NRG1: variants seen among roughly 807,000 people sequenced by gnomAD.
NRG1 encodes neuregulin 1.
Under a neutral mutation model 63.8 loss-of-function variants are expected in NRG1, and 18 were observed. The ratio of observed to expected loss-of-function variants is 0.28; its 90% CI spans 0.19 to 0.42. The LOEUF (loss-of-function observed/expected upper bound fraction) is 0.42, where lower values mean the gene tolerates loss of function less well. NRG1 is among the 10% of genes least tolerant of loss of function. NRG1 has a pLI of 1.00. For synonymous variants in NRG1, 302 were observed against 301.3 expected (o/e 1.00, Z -0.02); for missense variants, 762 against 814.7 (o/e 0.94, Z 0.79).
chr8:32,184,681 T>C (rs945903468), intron 1 of NRG1, among the ~76,000 whole-genome samples: 1 of 152,174 alleles, frequency 6.6e-6, no homozygotes, highest in African/African-American at 2.4e-5. Flanking sequence ...AGAAATATAC[T>C]TGTTTTATGC....
At chr8:32,711,427 A>T (rs1817782949) in intron 5 of NRG1, among the ~76,000 whole-genome samples, 1 of 152,192 alleles carries the variant, frequency 6.6e-6, no homozygotes, top group Non-Finnish European at 1.5e-5. Flanking sequence ...TCTCCAAAAA[A>T]AGGGAACCAG....
intron 1 of NRG1, among the ~76,000 whole-genome samples, chr8:32,456,785 C>T (rs1019615796): frequency 6.6e-6 from 1 of 152,142 alleles, no homozygotes; most frequent in Non-Finnish European, 1.5e-5. Flanking sequence ...CCCCCAGCAT[C>T]CATGTTGTTC....
intron 1 of NRG1, among the ~76,000 whole-genome samples, chr8:31,937,456 G>T (rs970972950): frequency 6.6e-6 from 1 of 152,112 alleles, no homozygotes; most frequent in Non-Finnish European, 1.5e-5. Flanking sequence ...AGAGGTAAAG[G>T]TAAGAAACAC....
intron 1 of NRG1, among the ~76,000 whole-genome samples, chr8:32,313,479 T>A (rs1182889046): frequency 6.6e-6 from 1 of 152,012 alleles, no homozygotes; most frequent in Non-Finnish European, 1.5e-5. Flanking sequence ...TTGAAAAAAA[T>A]TATCTCAAAT....
At chr8:32,463,897 T>G (rs1822681545) in intron 1 of NRG1, among the ~76,000 whole-genome samples, 2 of 96,558 alleles carry the variant, frequency 2.1e-5, no homozygotes, top group African/African-American at 4.5e-5. Context: ...TTTTTTTTTT[T>G]TTTTTTTTTT....
chr8:31,973,364 T>C (rs746374328), intron 1 of NRG1, among the ~76,000 whole-genome samples: 3 of 152,218 alleles, frequency 2.0e-5, no homozygotes, highest in African/African-American at 7.2e-5. Flanking sequence ...TTAGATCTAA[T>C]TATTAACTTG....
intron 1 of NRG1, among the ~76,000 whole-genome samples, chr8:32,024,708 T>C (rs983476782): frequency 2.6e-5 from 4 of 152,266 alleles, no homozygotes; most frequent in African/African-American, 7.2e-5. Flanking sequence ...AAAATCTGAA[T>C]GGAAAGCCAG....
At chr8:31,806,649 G>A (rs7836838) in intron 1 of NRG1, among the ~76,000 whole-genome samples, 113,910 of 152,084 alleles carry the variant, frequency 0.75, 43,142 homozygotes, top group East Asian at 0.99. Context: ...TGGGGAAAAG[G>A]AATCCTTTTC....
chr8:32,301,903 A>G (rs917969100), intron 1 of NRG1, among the ~76,000 whole-genome samples: 8 of 152,120 alleles, frequency 5.3e-5, no homozygotes, highest in African/African-American at 1.9e-4. Flanking sequence ...CAAAATATCA[A>G]AACAGAGGGG....
At chr8:31,704,826 C>T (rs1220208754) in intron 1 of NRG1, among the ~76,000 whole-genome samples, 6 of 105,254 alleles carry the variant, frequency 5.7e-5, no homozygotes, top group Admixed American at 3.1e-4. Flanking sequence ...AGTGAGACTC[C>T]GTCTAAAAAA....
intron 1 of NRG1, among the ~76,000 whole-genome samples, chr8:32,173,586 C>T (rs1395778908): frequency 1.1e-4 from 16 of 152,064 alleles, no homozygotes; most frequent in Admixed American, 1.0e-3. Flanking sequence ...GTGCTGTATT[C>T]AGGAAACCCA....
At chr8:32,387,831 C>T (rs1811209815) in intron 1 of NRG1, among the ~76,000 whole-genome samples, 1 of 152,090 alleles carries the variant, frequency 6.6e-6, no homozygotes, top group African/African-American at 2.4e-5. Flanking sequence ...TCTGTGTACA[C>T]TGAGATAAAA....
chr8:31,884,174 G>A (rs77156621), intron 1 of NRG1, among the ~76,000 whole-genome samples: 1,800 of 152,090 alleles, frequency 0.012, 41 homozygotes, highest in African/African-American at 0.041. Flanking sequence ...ATGCTTTTTG[G>A]CAAATTTCAA....
intron 1 of NRG1, among the ~76,000 whole-genome samples, chr8:31,979,577 G>T (rs1808748019): frequency 1.3e-5 from 2 of 151,904 alleles, no homozygotes; most frequent in Non-Finnish European, 2.9e-5. Flanking sequence ...TTAGGCAGTG[G>T]TTTCTTTGAT....
intron 1 of NRG1, among the ~76,000 whole-genome samples, chr8:31,973,461 G>C (rs1563635910): frequency 6.6e-6 from 1 of 152,184 alleles, no homozygotes; most frequent in Non-Finnish European, 1.5e-5. Flanking sequence ...TCAGAATTGA[G>C]AAGGGAGTAG....
At chr8:31,852,841 T>C (rs1301412613) in intron 1 of NRG1, among the ~76,000 whole-genome samples, 1 of 152,204 alleles carries the variant, frequency 6.6e-6, no homozygotes, top group African/African-American at 2.4e-5. Context: ...TAGCCAGTTT[T>C]CCCAGCACCA....
chr8:32,571,601 G>GTTTT (rs1040114296), intron 1 of NRG1, among the ~76,000 whole-genome samples: 7 of 151,680 alleles, frequency 4.6e-5, no homozygotes, highest in African/African-American at 1.7e-4. Flanking sequence ...GTTTTGTTTT[G>GTTTT]TTTTTTTCAA....
At chr8:32,643,676 A>C (rs1276384102) in intron 5 of NRG1, among the ~76,000 whole-genome samples, 10 of 152,194 alleles carry the variant, frequency 6.6e-5, no homozygotes, top group Non-Finnish European at 1.3e-4. Context: ...CATAACTGAA[A>C]TCGCTTCCCA....
At chr8:31,916,236 G>A (rs1303418824) in intron 1 of NRG1, among the ~76,000 whole-genome samples, 1 of 151,764 alleles carries the variant, frequency 6.6e-6, no homozygotes, top group Non-Finnish European at 1.5e-5. Context: ...TATACTTTAA[G>A]TTTTAGGGTA....
Sources: allele counts gnomAD v4.1 joint callset (sites outside exome capture counted in the v4.1 genomes callset), GRCh38; gene constraint gnomAD v4.1.1; transcripts MANE v1.5; gene names NCBI Gene and HGNC (gene_info 2026-07-23, HGNC 2026-07-21).